Variants in ARMH4 observed in about 807,000 individuals in gnomAD.
The protein encoded by ARMH4 is armadillo-like helical domain-containing protein 4.
Under a neutral mutation model 61.9 loss-of-function variants are expected in ARMH4, and 49 were observed. The observed-to-expected ratio is 0.79, with a 90% CI of 0.63 to 1.00. The LOEUF (loss-of-function observed/expected upper bound fraction) is 1.00. ARMH4 is among the 50% of genes least tolerant of loss of function. ARMH4 has a pLI of 0.00. For missense variants in ARMH4, 934 were observed against 930.0 expected, an observed-to-expected ratio of 1.00 and a Z score of -0.06; for synonymous variants, 368 against 341.5, an observed-to-expected ratio of 1.08 and a Z score of -0.85.
At chr14:58,076,802 A>G (rs368748129) in intron 5 of ARMH4, among the ~76,000 whole-genome samples, 1 of 152,300 alleles carries the variant, frequency 6.6e-6, no homozygotes, top group South Asian at 2.1e-4. Context: ...CTGCAAGAGC[A>G]CTGCTTGAGT....
intron 5 of ARMH4, among the ~76,000 whole-genome samples, chr14:58,029,359 C>T (rs1263485016): frequency 6.6e-6 from 1 of 151,344 alleles, no homozygotes; most frequent in African/African-American, 2.4e-5. Context: ...TCAGCCTCCC[C>T]AGTAGCTGGG....
At chr14:58,025,840 T>C (rs899213361) in intron 5 of ARMH4, among the ~76,000 whole-genome samples, 1 of 152,098 alleles carries the variant, frequency 6.6e-6, no homozygotes, top group South Asian at 2.1e-4. Flanking sequence ...AAGATTCCAA[T>C]AAATAGAATG....
intron 4 of ARMH4, among the ~76,000 whole-genome samples, chr14:58,130,985 A>G (rs1887072941): frequency 6.6e-6 from 1 of 152,148 alleles, no homozygotes. Context: ...ATCACTGGAG[A>G]GTGATTCAGG....
At chr14:58,113,690 T>A (rs1886424595) in intron 4 of ARMH4, among the ~76,000 whole-genome samples, 1 of 152,102 alleles carries the variant, frequency 6.6e-6, no homozygotes. Flanking sequence ...TTTTCTTTCA[T>A]GTTCTCTCAC....
intron 4 of ARMH4, among the ~76,000 whole-genome samples, chr14:58,117,089 T>G (rs1160613710): frequency 6.6e-6 from 1 of 152,106 alleles, no homozygotes; most frequent in Non-Finnish European, 1.5e-5. Flanking sequence ...GTAGCTGGGA[T>G]TACAGGCATA....
chr14:58,109,771 T>C (rs1886288084), intron 4 of ARMH4, among the ~76,000 whole-genome samples: 1 of 152,244 alleles, frequency 6.6e-6, no homozygotes, highest in African/African-American at 2.4e-5. Context: ...TATAGCTGTA[T>C]TAGTCCATTC....
At chr14:58,075,821 T>C (rs1288074065) in intron 5 of ARMH4, among the ~76,000 whole-genome samples, 2 of 152,172 alleles carry the variant, frequency 1.3e-5, no homozygotes, top group Non-Finnish European at 2.9e-5. Flanking sequence ...TGCGTTCAAA[T>C]CTTGGCTCTG....
At chr14:58,008,136 A>G (rs554430707) in intron 6 of ARMH4, among the ~76,000 whole-genome samples, 16 of 152,354 alleles carry the variant, frequency 1.1e-4, no homozygotes, top group Non-Finnish European at 7.3e-5. Context: ...AATATACTCC[A>G]GCTAATAACT....
At position 58,088,034 on chromosome 14, in the gene ARMH4, T is replaced by C. The variant is rs76753596; in HGVS notation, c.2089+8690A>G. Among the ~76,000 whole-genome samples the C allele has an allele frequency of 4.9e-3, 744 of 152,336 alleles. 9 individuals carry two copies. The highest frequency in any genetic ancestry group is 0.017 in the African/African-American group (714 of 41,580). On this transcript the variant is annotated intron_variant, in intron 5 of 7. Coordinates refer to ENST00000267485, the MANE Select transcript of ARMH4 (RefSeq NM_001001872.4). ...GCACATCTGCGAGAACAGTTGGGAATGAGCAGCAGGATGGAAGTCTATTCA... is the reference window on the plus strand; with the variant it reads ...GCACATCTGCGAGAACAGTTGGGAACGAGCAGCAGGATGGAAGTCTATTCA...
intron 5 of ARMH4, among the ~76,000 whole-genome samples, chr14:58,072,785 G>T (rs1275668883): frequency 2.6e-5 from 4 of 152,112 alleles, no homozygotes; most frequent in Non-Finnish European, 4.4e-5. Context: ...GACACCTACT[G>T]CTGAGTTCAA....
At chr14:58,151,570 A>C (rs1887922907) in intron 1 of ARMH4, among the ~76,000 whole-genome samples, 1 of 152,152 alleles carries the variant, frequency 6.6e-6, no homozygotes, top group African/African-American at 2.4e-5. Context: ...GGCAGGACAT[A>C]TTTCGGTGGT....
chr14:58,003,979 T>C lies in ARMH4; in HGVS notation c.*757A>G, dbSNP rs1459816088. On this transcript the variant is annotated 3_prime_UTR_variant, in exon 8 of 8. Transcript: ENST00000267485. ...ACTAGCACACAAAAAGAATATCTCT[T>C]AATCATAAACATGTATGACATGTAT... 1.3e-5 allele frequency: 2 copies of C among 152,178 alleles called. No individual in the cohort carries two copies. Among genetic ancestry groups the C allele is most frequent in the Non-Finnish European group, 2.9e-5 (2 of 68,034 alleles). 9.4% of individuals were successfully genotyped at this position (152,178 alleles called of 1,614,324 possible).
chr14:58,055,511 A>G (rs1014720247), intron 5 of ARMH4, among the ~76,000 whole-genome samples: 1 of 152,242 alleles, frequency 6.6e-6, no homozygotes, highest in Non-Finnish European at 1.5e-5. Flanking sequence ...ATATGAGGCA[A>G]CATAATTACC....
At chr14:58,126,988 G>A (rs957328968) in intron 4 of ARMH4, among the ~76,000 whole-genome samples, 1 of 151,940 alleles carries the variant, frequency 6.6e-6, no homozygotes, top group Non-Finnish European at 1.5e-5. Flanking sequence ...ATTTTTAGTA[G>A]AGGTGGAGTT....
At chr14:58,112,304 T>C (rs540421880) in intron 4 of ARMH4, among the ~76,000 whole-genome samples, 34 of 149,238 alleles carry the variant, frequency 2.3e-4, no homozygotes, top group African/African-American at 8.6e-4. Flanking sequence ...TTTTTTTGGC[T>C]TTTTTTCTTA....
At chr14:58,027,236 G>A (rs939788361) in intron 5 of ARMH4, among the ~76,000 whole-genome samples, 3 of 152,252 alleles carry the variant, frequency 2.0e-5, no homozygotes, top group South Asian at 2.1e-4. Context: ...TCTATTATAC[G>A]GCATAGTGCC....
chr14:58,004,806 TAGAG>T lies in ARMH4; in HGVS notation c.2257-6_2257-3del. ...TTGCATGCTGTTGAATTCTCTCTGC[TAGAG>T]AAAGAAAACAGAAAAGCATTAAACT... On this transcript the variant is annotated splice_region_variant and splice_polypyrimidine_tract_variant and intron_variant, in intron 7 of 7. Transcript: ENST00000267485. The T allele has an allele frequency of 6.2e-7, 1 of 1,608,246 alleles. No individual in the cohort carries two copies. Among genetic ancestry groups the T allele is most frequent in the Admixed American group, 1.7e-5 (1 of 59,902 alleles).
At chr14:58,025,487 A>C (rs1286622159) in intron 5 of ARMH4, among the ~76,000 whole-genome samples, 2 of 152,194 alleles carry the variant, frequency 1.3e-5, no homozygotes, top group African/African-American at 4.8e-5. Flanking sequence ...CCATCTAAAT[A>C]AATGAAATAT....
Position 58,147,447 on chromosome 14 carries a change from T to C in ARMH4, c.-57+4628A>G, listed in dbSNP as rs142006124. Among the ~76,000 whole-genome samples the C allele has an allele frequency of 8.6e-3, 1,311 of 152,132 alleles. 20 individuals are homozygous for C. Among genetic ancestry groups the C allele is most frequent in the African/African-American group, 0.03 (1,240 of 41,488 alleles). ...ATCCTGCCTCAGCCTCCTGAGTAGC[T>C]GGGACCACAGGCGCACGCCACCACG... On this transcript the variant is annotated intron_variant, in intron 1 of 7. Coordinates refer to ENST00000267485, the MANE Select transcript of ARMH4 (RefSeq NM_001001872.4).
Sources: gnomAD v4.1 joint callset for allele counts (sites outside exome capture counted in the v4.1 genomes callset) on GRCh38, gnomAD v4.1.1 for gene constraint, MANE v1.5 for transcripts, NCBI Gene and HGNC (gene_info 2026-07-23, HGNC 2026-07-21) for gene names.